The following SYNJ2BP variants were observed in gnomAD, a reference collection of about 807,000 sequenced individuals.
The protein encoded by SYNJ2BP is synaptojanin 2 binding protein.
In SYNJ2BP, 10 loss-of-function variants were observed where a neutral mutation model predicts 16.9. That is an observed-to-expected ratio of 0.59 (90% CI 0.36 to 1.00). SYNJ2BP has a LOEUF of 1.00. Ranked by LOEUF, SYNJ2BP falls within the 50% of genes least tolerant of loss-of-function variation. The pLI, the probability that SYNJ2BP is intolerant of heterozygous loss-of-function variation, is 0.01. For missense variants in SYNJ2BP, 162 were observed against 186.7 expected (o/e 0.87, Z 0.77); for synonymous variants, 54 against 68.4 (o/e 0.79, Z 1.04).
intron 1 of SYNJ2BP, among the ~76,000 whole-genome samples, chr14:70,409,935 T>C (rs2140873024): frequency 7.0e-6 from 1 of 143,438 alleles, no homozygotes; most frequent in African/African-American, 2.6e-5. Flanking sequence ...CATAGTGAGA[T>C]CTCGTCTCTA....
chr14:70,395,793 C>T (rs1257383771), intron 1 of SYNJ2BP, among the ~76,000 whole-genome samples: 1 of 152,160 alleles, frequency 6.6e-6, no homozygotes, highest in East Asian at 1.9e-4. Flanking sequence ...TCCTTATTCT[C>T]CCCTCCCCCA....
intron 1 of SYNJ2BP, among the ~76,000 whole-genome samples, chr14:70,408,494 A>G (rs981602419): frequency 6.6e-6 from 1 of 152,084 alleles, no homozygotes; most frequent in African/African-American, 2.4e-5. Context: ...AACATGGTGA[A>G]ACCCCATCTC....
intron 2 of SYNJ2BP, among the ~76,000 whole-genome samples, chr14:70,381,963 G>A (rs11626414): frequency 0.32 from 49,040 of 152,206 alleles, 10,129 homozygotes; most frequent in Non-Finnish European, 0.43. Flanking sequence ...TTGGCCGGGC[G>A]CGGTGGCTCA....
chr14:70,412,297 T>C (rs1888489952), intron 1 of SYNJ2BP, among the ~76,000 whole-genome samples: 1 of 152,110 alleles, frequency 6.6e-6, no homozygotes. Context: ...GAAAGTAGTA[T>C]ATGGTATAGC....
At chr14:70,402,277 G>T (rs1339684273) in intron 1 of SYNJ2BP, among the ~76,000 whole-genome samples, 1 of 152,198 alleles carries the variant, frequency 6.6e-6, no homozygotes, top group Admixed American at 6.5e-5. Flanking sequence ...AGTATTGGAG[G>T]TGACTAACAG....
At chr14:70,416,749 T>C (rs1888618859) in intron 1 of SYNJ2BP, 151 bp downstream of exon 1, 4 of 1,153,150 alleles carry the variant, frequency 3.5e-6, no homozygotes, top group Non-Finnish European at 4.9e-6. Flanking sequence ...GATTTCAATA[T>C]ATTTTCTCTA....
chr14:70,391,989 T>C (rs1314288650), intron 1 of SYNJ2BP, among the ~76,000 whole-genome samples: 1 of 152,214 alleles, frequency 6.6e-6, no homozygotes, highest in Non-Finnish European at 1.5e-5. Context: ...CATTAAGTAG[T>C]GGCATGACCA....
Position 70,372,956 on chromosome 14 carries a change from AT to A in SYNJ2BP, c.*34del. On this transcript the variant is annotated 3_prime_UTR_variant, in exon 4 of 4. Coordinates refer to ENST00000256366, the MANE Select transcript of SYNJ2BP (RefSeq NM_018373.3). ...CAGGGGTGGAGGGTGAGTGAAATGT[AT>A]CTTCATTGGGAGTATTGAAAGAGAG... 1.2e-6 allele frequency: 2 copies of A among 1,612,156 alleles called. No homozygotes were observed. The highest frequency in any genetic ancestry group is 1.7e-6 in the Non-Finnish European group (2 of 1,179,396).
intron 1 of SYNJ2BP, among the ~76,000 whole-genome samples, chr14:70,416,259 A>G (rs771701147): frequency 7.2e-5 from 11 of 152,092 alleles, no homozygotes; most frequent in Non-Finnish European, 1.6e-4. Context: ...TAAATAAAAT[A>G]AATCTGTATT....
chr14:70,372,929 A>C lies in SYNJ2BP; in HGVS notation c.*62T>G, dbSNP rs1887546561. The C allele has an allele frequency of 1.3e-6, 2 of 1,597,122 alleles. No individual in the cohort carries two copies. Among genetic ancestry groups the C allele is most frequent in the African/African-American group, 1.3e-5 (1 of 74,762 alleles). ...GAGAGAGGGAAAGACATGGCAGAAT[A>C]GCAGGGGTGGAGGGTGAGTGAAATG... On this transcript the variant is annotated 3_prime_UTR_variant, in exon 4 of 4. Transcript: ENST00000256366.
At chr14:70,394,127 TA>T (rs1382624772) in intron 1 of SYNJ2BP, among the ~76,000 whole-genome samples, 5 of 149,910 alleles carry the variant, frequency 3.3e-5, no homozygotes, top group African/African-American at 4.9e-5. Flanking sequence ...TATAAAAATG[TA>T]AAAAAAAAGA....
intron 2 of SYNJ2BP, among the ~76,000 whole-genome samples, chr14:70,379,111 A>C (rs1887694407): frequency 6.6e-6 from 1 of 152,162 alleles, no homozygotes; most frequent in Admixed American, 6.5e-5. Context: ...AAGAAACTTC[A>C]ATCAATTTAG....
intron 1 of SYNJ2BP, among the ~76,000 whole-genome samples, chr14:70,398,865 T>G (rs940746680): frequency 9.2e-5 from 14 of 152,130 alleles, no homozygotes; most frequent in African/African-American, 3.1e-4. Flanking sequence ...GCTGTCGCCC[T>G]GGCGCTGAGG....
chr14:70,373,116 C>T lies in SYNJ2BP; in HGVS notation c.313G>A (p.Gly105Arg). 1 of 1,613,864 alleles carries T rather than the reference C, an allele frequency of 6.2e-7. No individual in the cohort carries two copies. Among genetic ancestry groups the T allele is most frequent in the Non-Finnish European group, 8.5e-7 (1 of 1,179,928 alleles). The part of the protein sequence containing the change: ...RVQHRLQVQN[G>R]PIGHRGEGDP... The stretch of plus-strand genomic sequence containing the variant: ...CCTTCACCTCGATGTCCTATAGGTC[C>T]ATTCTGCACCTGTAACTGGAAGGGA... The change falls in exon 4 of 4, where the codon GGA becomes AGA. Residue 105 changes from glycine (G) to arginine (R), a missense_variant. Transcript: ENST00000256366.
intron 1 of SYNJ2BP, among the ~76,000 whole-genome samples, chr14:70,400,876 G>A (rs1407774977): frequency 6.6e-6 from 1 of 152,164 alleles, no homozygotes; most frequent in African/African-American, 2.4e-5. Flanking sequence ...ATAGCTAGGG[G>A]TGTGGCATAT....
At chr14:70,394,494 C>A (rs1340665336) in intron 1 of SYNJ2BP, among the ~76,000 whole-genome samples, 1 of 143,356 alleles carries the variant, frequency 7.0e-6, no homozygotes, top group African/African-American at 2.6e-5. Context: ...GAATGAAGAG[C>A]TTAGTGAGCT....
intron 2 of SYNJ2BP, among the ~76,000 whole-genome samples, chr14:70,387,927 C>A (rs1887896294): frequency 6.6e-6 from 1 of 151,712 alleles, no homozygotes; most frequent in Non-Finnish European, 1.5e-5. Context: ...TTCGTAGAGA[C>A]ATTAGCAGGA....
At chr14:70,413,656 G>T (rs10139978) in intron 1 of SYNJ2BP, among the ~76,000 whole-genome samples, 14,814 of 152,156 alleles carry the variant, frequency 0.097, 861 homozygotes, top group African/African-American at 0.16. Flanking sequence ...AAGAACAAAA[G>T]AAAGTAATTG....
intron 1 of SYNJ2BP, among the ~76,000 whole-genome samples, chr14:70,412,624 A>ATAGTATATATACAGTATATATATGTATG (rs1555349799): frequency 4.8e-4 from 21 of 43,700 alleles, no homozygotes; most frequent in East Asian, 1.4e-3. Context: ...ATATATGTAT[A>ATAGTATATATACAGTATATATATGTATG]TATAGTAACT....
Sources: gnomAD v4.1 joint callset for allele counts (sites outside exome capture counted in the v4.1 genomes callset) on GRCh38, gnomAD v4.1.1 for gene constraint, MANE v1.5 for transcripts, NCBI Gene and HGNC (gene_info 2026-07-23, HGNC 2026-07-21) for gene names.